Variants in SEC31A observed in about 807,000 individuals in gnomAD.
SEC31A encodes protein transport protein Sec31A.
Under a neutral mutation model 151.0 loss-of-function variants are expected in SEC31A, and 70 were observed. That is an observed-to-expected ratio of 0.46 (90% CI 0.38 to 0.57). SEC31A has a LOEUF of 0.57. Ranked by LOEUF, SEC31A falls within the 20% of genes least tolerant of loss-of-function variation. SEC31A has a pLI of 0.00. For synonymous variants in SEC31A, 475 were observed against 505.9 expected (o/e 0.94, Z 0.82); for missense variants, 1,330 against 1,471.2 (o/e 0.90, Z 1.57).
chr4:82,885,557 CACA>C (rs1233458791), intron 1 of SEC31A, among the ~76,000 whole-genome samples: 1 of 152,174 alleles, frequency 6.6e-6, no homozygotes, highest in Non-Finnish European at 1.5e-5. Flanking sequence ...TGCCCATCCA[CACA>C]ACATGGTTAT....
chr4:82,844,138 C>A (rs1729521800), intron 21 of SEC31A: 2 of 396,116 alleles, frequency 5.0e-6, no homozygotes, highest in East Asian at 3.6e-5. Context: ...TTATCTTTAA[C>A]AAGTCTTAGT....
chr4:82,868,056 G>A (rs1735793626), intron 8 of SEC31A, among the ~76,000 whole-genome samples: 1 of 152,224 alleles, frequency 6.6e-6, no homozygotes, highest in Non-Finnish European at 1.5e-5. Flanking sequence ...TCAATCTTGA[G>A]AAGGAAGAAT....
rs377398978 is a variant in SEC31A at position 82,842,154 on chromosome 4, G to T, written c.2954C>A (p.Ala985Glu). The change falls in exon 22 of 27, where the codon GCG (alanine) becomes GAG (glutamate). Residue 985 changes from alanine (A) to glutamate (E), a missense_variant. By Grantham distance (107) the Ala-to-Glu change is moderately radical. Transcript: ENST00000395310. ...GTLPAASELPASQRTGPQNGW... is the reference protein window; with the variant it reads ...GTLPAASELPESQRTGPQNGW... ...CAAGCGCAGACCTGTTCTTTGGGAC[G>T]CAGGCAGCTCACTGGCAGCAGGCAG... 24 of 1,560,804 alleles carry T rather than the reference G, an allele frequency of 1.5e-5. No individual in the cohort carries two copies. The highest frequency in any genetic ancestry group is 2.0e-5 in the Non-Finnish European group (23 of 1,152,238).
chr4:82,894,136 A>C (rs1374051454), upstream of SEC31A: 1 of 152,216 alleles, frequency 6.6e-6, no homozygotes, highest in Non-Finnish European at 1.5e-5. Flanking sequence ...CTCCCATGAT[A>C]AGCACGTTAC....
rs1311430969 is a variant in SEC31A, at chr4:82,853,638, C to T, written c.2086G>A (p.Gly696Arg). The T allele has an allele frequency of 1.2e-6, 2 of 1,604,716 alleles. No individual in the cohort carries two copies. The highest frequency in any genetic ancestry group is 3.5e-5 in the Admixed American group (2 of 56,904). ...CATGCAACTAATTTCTCTACATTCC[C>T]TGCACAAATATAGCAGAGACATGCT... Reference protein sequence around the residue: ...TQACLCYICAGNVEKLVACWT... With the variant: ...TQACLCYICARNVEKLVACWT... Residue 696 changes from glycine to arginine, a missense_variant, in exon 18 of 27, where the codon GGG becomes AGG. Gly to Arg is a moderately radical substitution (Grantham distance 125). Transcript: ENST00000395310.
At chr4:82,829,980 T>C (rs1328701738) in intron 22 of SEC31A, among the ~76,000 whole-genome samples, 2 of 152,236 alleles carry the variant, frequency 1.3e-5, no homozygotes, top group African/African-American at 4.8e-5. Context: ...AAAGAAACTT[T>C]TGTGTATGTA....
chr4:82,836,260 C>A (rs1727235887), intron 22 of SEC31A, among the ~76,000 whole-genome samples: 1 of 150,400 alleles, frequency 6.6e-6, no homozygotes, highest in South Asian at 2.1e-4. Flanking sequence ...GTAGTCCCAG[C>A]TACTTGGGAG....
chr4:82,866,897 T>C lies in SEC31A; in HGVS notation c.1108A>G (p.Ile370Val). The change falls in exon 10 of 27, where the codon ATT (isoleucine) becomes GTT (valine). Residue 370 changes from isoleucine (I) to valine (V), a missense_variant. Physicochemically the swap from Ile to Val is conservative, Grantham distance 29. Coordinates refer to ENST00000395310, the MANE Select transcript of SEC31A (RefSeq NM_001077207.4). ...GTGQPLPPLQ[I>V]PQQTAQHSIV... is the part of the protein sequence containing the mutation. ...CTATGCTGAGCAGTCTGCTGTGGAA[T>C]TTGTAACGGAGGAAGGGGCTGTCCT... The C allele has an allele frequency of 6.2e-7, 1 of 1,614,204 alleles. No individual in the cohort carries two copies. The highest frequency in any genetic ancestry group is 8.5e-7 in the Non-Finnish European group (1 of 1,180,032).
chr4:82,870,183 C>G (rs1416778519), intron 8 of SEC31A, 142 bp downstream of exon 8: 1 of 512,602 alleles, frequency 2.0e-6, no homozygotes, highest in African/African-American at 1.9e-5. Flanking sequence ...GATAAAATTG[C>G]TGCCAAATAA....
upstream of SEC31A, chr4:82,895,026 A>G (rs1720002088): frequency 6.6e-6 from 1 of 152,240 alleles, no homozygotes; most frequent in African/African-American, 2.4e-5. Context: ...AACTAGTATT[A>G]GATTTAAGAT....
At chr4:82,823,190 CA>C (rs1007833944) in intron 25 of SEC31A, among the ~76,000 whole-genome samples, 11 of 152,144 alleles carry the variant, frequency 7.2e-5, no homozygotes, top group Admixed American at 6.5e-4. Flanking sequence ...GGTAAATTAA[CA>C]AAAAATGTAT....
chr4:82,896,584 C>G (rs1720070624), intron 3 of SEC31A, among the ~76,000 whole-genome samples: 1 of 152,050 alleles, frequency 6.6e-6, no homozygotes, highest in Non-Finnish European at 1.5e-5. Flanking sequence ...ACGGCAAAAC[C>G]CCTTCTCTAC....
In SEC31A at chr4:82,824,690, C is replaced by G. The variant is rs1423071905; in HGVS notation, c.3292-16G>C. ...ACTGCACATGCTGGAAGAAACACAC[C>G]AAAAACTGATCAGAAATGACCAGAA... On this transcript the variant is annotated splice_polypyrimidine_tract_variant and intron_variant, in intron 24 of 26. Coordinates refer to ENST00000395310, the MANE Select transcript of SEC31A (RefSeq NM_001077207.4). The G allele has an allele frequency of 6.2e-7, 1 of 1,609,868 alleles. No homozygotes were observed. Among genetic ancestry groups the G allele is most frequent in the African/African-American group, 1.3e-5 (1 of 74,540 alleles).
chr4:82,889,891 A>T (rs904713547), intron 1 of SEC31A, among the ~76,000 whole-genome samples: 3 of 152,168 alleles, frequency 2.0e-5, no homozygotes, highest in Non-Finnish European at 2.9e-5. Flanking sequence ...TGAGCTGTTA[A>T]TTAAGGGATA....
chr4:82,836,044 T>C (rs1333207121), intron 22 of SEC31A, among the ~76,000 whole-genome samples: 1 of 152,010 alleles, frequency 6.6e-6, no homozygotes, highest in Non-Finnish European at 1.5e-5. Context: ...AATGTGGAAT[T>C]ACTGTTTGAT....
At chr4:82,833,403 G>T (rs575204685) in intron 22 of SEC31A, among the ~76,000 whole-genome samples, 2 of 151,942 alleles carry the variant, frequency 1.3e-5, no homozygotes, top group African/African-American at 4.8e-5. Context: ...TGGGGCCTGT[G>T]GGGGGCTAGG....
chr4:82,837,846 G>A (rs1251496402), intron 22 of SEC31A, among the ~76,000 whole-genome samples: 1 of 152,164 alleles, frequency 6.6e-6, no homozygotes, highest in Admixed American at 6.5e-5. Flanking sequence ...TCTTATAGGA[G>A]CATAATGGTA....
intron 8 of SEC31A, among the ~76,000 whole-genome samples, chr4:82,869,593 G>A (rs1415685753): frequency 2.6e-5 from 4 of 152,022 alleles, no homozygotes. Context: ...TACTTGGCAA[G>A]GCACAGTGTA....
Position 82,827,565 on chromosome 4 carries a change from T to C in SEC31A, c.3095A>G (p.Gln1032Arg), listed in dbSNP as rs1724882139. 1 of 1,614,048 alleles carries C rather than the reference T, an allele frequency of 6.2e-7. No individual in the cohort carries two copies. Among genetic ancestry groups the C allele is most frequent in the Non-Finnish European group, 8.5e-7 (1 of 1,180,030 alleles). The change falls in exon 24 of 27, where the codon CAG (glutamine) becomes CGG (arginine). Residue 1032 changes from glutamine (Q) to arginine (R), a missense_variant. Coordinates refer to ENST00000395310, the MANE Select transcript of SEC31A (RefSeq NM_001077207.4). ...SPIMNPLGDP[Q>R]SQMLQQQPSA... is the part of the protein sequence containing the mutation. ...AGGCTGTTGCTGCAGCATTTGTGAC[T>C]GGGGGTCACCCAACGGGTTCATGAT...
Sources: allele counts gnomAD v4.1 joint callset (sites outside exome capture counted in the v4.1 genomes callset), GRCh38; gene constraint gnomAD v4.1.1; transcripts MANE v1.5; gene names NCBI Gene and HGNC (gene_info 2026-07-23, HGNC 2026-07-21).